GALNT14: variants seen among roughly 807,000 people sequenced by gnomAD.
The protein encoded by GALNT14 is polypeptide N-acetylgalactosaminyltransferase 14.
A neutral mutation model predicts 77.5 loss-of-function variants in GALNT14; 60 were observed. That is an observed-to-expected ratio of 0.77 (90% CI 0.63 to 0.96). GALNT14 has a LOEUF of 0.96. Ranked by LOEUF, GALNT14 falls within the 40% of genes least tolerant of loss-of-function variation. GALNT14 has a pLI of 0.00. For missense variants in GALNT14, 710 were observed against 731.0 expected, an observed-to-expected ratio of 0.97 and a Z score of 0.33; for synonymous variants, 280 against 281.7, an observed-to-expected ratio of 0.99 and a Z score of 0.06.
At chr2:30,961,993 T>G (rs1053426653) in intron 3 of GALNT14, among the ~76,000 whole-genome samples, 12 of 152,154 alleles carry the variant, frequency 7.9e-5, no homozygotes, top group Admixed American at 3.3e-4. Flanking sequence ...GTGCCCAGCC[T>G]GGGTTAGACT....
chr2:31,002,855 G>A (rs1344099425), intron 1 of GALNT14, among the ~76,000 whole-genome samples: 1 of 152,180 alleles, frequency 6.6e-6, no homozygotes, highest in Non-Finnish European at 1.5e-5. Flanking sequence ...CTGGGCTCAT[G>A]CAAAGGAAAG....
At chr2:31,009,197 G>C (rs994542221) in intron 1 of GALNT14, among the ~76,000 whole-genome samples, 2 of 152,178 alleles carry the variant, frequency 1.3e-5, no homozygotes, top group Non-Finnish European at 2.9e-5. Context: ...AGGAGGCAGA[G>C]GGCAAGGAAG....
chr2:31,060,479 A>G (rs8179695), intron 1 of GALNT14, among the ~76,000 whole-genome samples: 88,198 of 152,086 alleles, frequency 0.58, 25,725 homozygotes, highest in Middle Eastern at 0.63. Context: ...AGGGGAAGGC[A>G]ATTCCATTCT....
the GALNT14 span, among the ~76,000 whole-genome samples, chr2:30,888,761 A>T: frequency 6.6e-6 from 1 of 152,126 alleles, no homozygotes; most frequent in East Asian, 1.9e-4. Context: ...AGGGCCCCAA[A>T]CTAATCTTGC....
intron 2 of GALNT14, among the ~76,000 whole-genome samples, chr2:30,968,806 T>C (rs1335708479): frequency 6.6e-6 from 1 of 152,208 alleles, no homozygotes; most frequent in Non-Finnish European, 1.5e-5. Flanking sequence ...GTACATTAGA[T>C]AAGCAGTAGA....
chr2:30,966,302 T>A lies in GALNT14; in HGVS notation c.300A>T (p.Arg100Ser), dbSNP rs1252562902. 6.2e-7 allele frequency: 1 copy of A among 1,611,800 alleles called. No homozygotes were observed. The highest frequency in any genetic ancestry group is 1.3e-5 in the African/African-American group (1 of 74,832). ...CCGTGCAATACACCAGCAGTGTGCA[T>A]CTGGGGAAGGAAAGGCACAGGGCAA... ...NRAIPDTRHLRCTLLVYCTDL... is the reference protein window; with the variant it reads ...NRAIPDTRHLSCTLLVYCTDL... Residue 100 changes from arginine to serine, a missense_variant and splice_region_variant, in exon 3 of 15, where the codon AGA becomes AGT. Physicochemically the swap from Arg to Ser is moderately radical, Grantham distance 110. Transcript: ENST00000349752.
At chr2:31,135,046 T>C (rs911026230) in intron 1 of GALNT14, among the ~76,000 whole-genome samples, 1 of 152,236 alleles carries the variant, frequency 6.6e-6, no homozygotes, top group Non-Finnish European at 1.5e-5. Context: ...TTAACATGCA[T>C]GCATAGGCTT....
At chr2:30,978,430 T>C (rs1668769728) in intron 2 of GALNT14, among the ~76,000 whole-genome samples, 1 of 152,200 alleles carries the variant, frequency 6.6e-6, no homozygotes, top group Admixed American at 6.5e-5. Flanking sequence ...AGTCAATTTC[T>C]TCATCTCTAA....
the GALNT14 span, among the ~76,000 whole-genome samples, chr2:30,888,572 T>G: frequency 3.9e-5 from 6 of 152,006 alleles, no homozygotes; most frequent in African/African-American, 1.2e-4. Context: ...CTGGGAAGGG[T>G]GTTACAACTG....
chr2:31,053,368 C>T (rs763311099), intron 1 of GALNT14, among the ~76,000 whole-genome samples: 3 of 152,148 alleles, frequency 2.0e-5, no homozygotes, highest in Non-Finnish European at 4.4e-5. Context: ...GGTGCCAACT[C>T]ACCCGCTAGC....
intron 1 of GALNT14, among the ~76,000 whole-genome samples, chr2:31,043,431 C>T (rs1673224269): frequency 6.6e-6 from 1 of 152,148 alleles, no homozygotes; most frequent in African/African-American, 2.4e-5. Context: ...AGTAGCTCCT[C>T]AATAAATAAG....
At chr2:31,027,428 A>C (rs1471110102) in intron 1 of GALNT14, among the ~76,000 whole-genome samples, 1 of 113,060 alleles carries the variant, frequency 8.8e-6, no homozygotes, top group African/African-American at 5.4e-5. Flanking sequence ...AAAACAAAGC[A>C]AAAAAAAAAA....
chr2:31,033,526 A>G lies in GALNT14; in HGVS notation c.130-40519T>C, dbSNP rs537568845. ...CTATTTTTGCTTCCTTCATTTCCTAAGGAAACTCCTGTGTGTAGTTAACAC... is the reference window on the plus strand; with the variant it reads ...CTATTTTTGCTTCCTTCATTTCCTAGGGAAACTCCTGTGTGTAGTTAACAC... On this transcript the variant is annotated intron_variant, in intron 1 of 14. Transcript: ENST00000349752. 3.6e-4 allele frequency among the ~76,000 whole-genome samples: 55 copies of G among 152,180 alleles called. 1 individual carries two copies. The South Asian group carries it at 0.011, about 30-fold the overall frequency.
At chr2:31,064,414 C>T (rs543872383) in intron 1 of GALNT14, among the ~76,000 whole-genome samples, 2 of 152,326 alleles carry the variant, frequency 1.3e-5, no homozygotes, top group South Asian at 4.1e-4. Flanking sequence ...CCTCAGAGGC[C>T]TGGAGTCTGT....
chr2:30,934,085 A>C (rs1220644879), intron 9 of GALNT14, among the ~76,000 whole-genome samples: 1 of 152,148 alleles, frequency 6.6e-6, no homozygotes, highest in Non-Finnish European at 1.5e-5. Flanking sequence ...TGCACTTCAC[A>C]TTTGAGATTT....
chr2:31,026,823 T>A (rs1422445894), intron 1 of GALNT14, among the ~76,000 whole-genome samples: 1 of 152,200 alleles, frequency 6.6e-6, no homozygotes, highest in Non-Finnish European at 1.5e-5. Context: ...GGGATTCTGC[T>A]CCAAGTCCAC....
intron 1 of GALNT14, among the ~76,000 whole-genome samples, chr2:31,092,624 T>C (rs1485566889): frequency 6.6e-6 from 1 of 152,140 alleles, no homozygotes; most frequent in East Asian, 1.9e-4. Context: ...TAAGGCTCCC[T>C]CTCCATGGCT....
rs186248373 is a variant in GALNT14 at position 30,929,335 on chromosome 2, G to A, written c.1151+60C>T. ...TGGCCTATCGGCACCCATTTGCATC[G>A]GTCCTAGGAGCTGGGCTCTTTTGCA... is the stretch of plus-strand genomic sequence containing the variant. On this transcript the variant is annotated intron_variant, in intron 11 of 14. Coordinates refer to ENST00000349752, the MANE Select transcript of GALNT14 (RefSeq NM_024572.4). 174 of 1,343,912 alleles carry A rather than the reference G, an allele frequency of 1.3e-4. 1 individual carries two copies. The East Asian group carries it at 3.6e-3, about 28-fold the overall frequency. The allele number at this position is 1,343,912 out of a possible 1,614,324, so 83.2% of individuals were successfully genotyped here.
At chr2:31,020,953 G>C (rs1205453779) in intron 1 of GALNT14, among the ~76,000 whole-genome samples, 1 of 152,156 alleles carries the variant, frequency 6.6e-6, no homozygotes, top group Non-Finnish European at 1.5e-5. Flanking sequence ...CATGTGGCCA[G>C]CCCCTTCTCC....
Sources: gnomAD v4.1 joint callset for allele counts (sites outside exome capture counted in the v4.1 genomes callset) on GRCh38, gnomAD v4.1.1 for gene constraint, MANE v1.5 for transcripts, NCBI Gene and HGNC (gene_info 2026-07-23, HGNC 2026-07-21) for gene names.